Variants in ZNF410 observed in about 807,000 individuals in gnomAD.
The protein encoded by ZNF410 is another partner for ARF 1.
A neutral mutation model predicts 54.8 loss-of-function variants in ZNF410; 18 were observed. The ratio of observed to expected loss-of-function variants is 0.33; its 90% CI spans 0.23 to 0.49. The LOEUF is 0.49. Among genes scored for constraint, ZNF410 ranks in the 20% least tolerant of loss-of-function variants. ZNF410 has a pLI of 0.99. For missense variants in ZNF410, 405 were observed against 569.6 expected (o/e 0.71, Z 2.94); for synonymous variants, 191 against 207.3 (o/e 0.92, Z 0.68).
At chr14:73,888,546 G>A (rs547428201) in intron 1 of ZNF410, among the ~76,000 whole-genome samples, 1 of 152,174 alleles carries the variant, frequency 6.6e-6, no homozygotes, top group African/African-American at 2.4e-5. Context: ...AATTGATCGT[G>A]GTTCTGCTTG....
At chr14:73,889,959 G>C (rs2055202248) in intron 1 of ZNF410, among the ~76,000 whole-genome samples, 1 of 151,832 alleles carries the variant, frequency 6.6e-6, no homozygotes, top group East Asian at 2.0e-4. Flanking sequence ...ACCACACCTA[G>C]CTAATTTTTT....
intron 7 of ZNF410, chr14:73,905,782 T>TTCTTGATTCC (rs2055472214): frequency 6.6e-6 from 1 of 151,940 alleles, no homozygotes; most frequent in South Asian, 2.1e-4. Context: ...TTCTTGATTC[T>TTCTTGATTCC]TGCATTGGCA....
chr14:73,925,376 C>T (rs554441676), intron 11 of ZNF410, among the ~76,000 whole-genome samples: 39 of 151,292 alleles, frequency 2.6e-4, no homozygotes, highest in Admixed American at 2.0e-4. Flanking sequence ...GATAAACCCA[C>T]GTCGAAGTCG....
At chr14:73,926,491 T>C (rs1309252488) in intron 11 of ZNF410, among the ~76,000 whole-genome samples, 1 of 152,148 alleles carries the variant, frequency 6.6e-6, no homozygotes, top group Non-Finnish European at 1.5e-5. Context: ...AAGAGTGCAG[T>C]GGCGTGATCT....
chr14:73,894,711 GC>G (rs1211710134), intron 3 of ZNF410, among the ~76,000 whole-genome samples: 1 of 152,200 alleles, frequency 6.6e-6, no homozygotes, highest in Non-Finnish European at 1.5e-5. Context: ...ACAGGCGTGA[GC>G]CACTGCGCCA....
intron 8 of ZNF410, chr14:73,920,711 C>A: frequency 2.6e-6 from 1 of 382,628 alleles, no homozygotes; most frequent in South Asian, 3.1e-5. Context: ...TGCCATGGTC[C>A]TATACCAAAG....
chr14:73,913,473 G>T (rs2055617242), intron 8 of ZNF410: 1 of 152,118 alleles, frequency 6.6e-6, no homozygotes, highest in South Asian at 2.1e-4. Flanking sequence ...ACTGTGTTTT[G>T]CAAATGTCTG....
At chr14:73,892,762 C>T (rs921582315) in intron 2 of ZNF410, among the ~76,000 whole-genome samples, 1 of 152,058 alleles carries the variant, frequency 6.6e-6, no homozygotes, top group Non-Finnish European at 1.5e-5. Flanking sequence ...CACTTAATGT[C>T]TTCAATTTTA....
At chr14:73,923,335 TC>T in intron 10 of ZNF410, 59 bp from the exon 11 acceptor site, 1 of 1,558,936 alleles carries the variant, frequency 6.4e-7, no homozygotes, top group Non-Finnish European at 8.7e-7. Flanking sequence ...GGCTTAATGA[TC>T]CAGATAGGTG....
Position 73,902,601 on chromosome 14 carries a change from T to C in ZNF410, c.581-1359T>C, listed in dbSNP as rs1243268507. Among the ~76,000 whole-genome samples the C allele has an allele frequency of 1.3e-5, 2 of 152,156 alleles. 1 individual carries two copies. Among genetic ancestry groups the C allele is most frequent in the Middle Eastern group, 6.3e-3 (2 of 316 alleles). On this transcript the variant is annotated intron_variant, in intron 5 of 11. Coordinates refer to ENST00000555044, the MANE Select transcript of ZNF410 (RefSeq NM_021188.3). ...GCTGTGATAGGCACAACATATATAT[T>C]CTACTTTTGGCTATTGAGGGGGAAA...
At chr14:73,927,242 C>T (rs927730809) in intron 11 of ZNF410, 41 of 223,970 alleles carry the variant, frequency 1.8e-4, no homozygotes, top group African/African-American at 8.5e-4. Flanking sequence ...GGTGCCACCA[C>T]GCCCGGCTGT....
At chr14:73,900,563 A>G (rs542210108) in intron 5 of ZNF410, among the ~76,000 whole-genome samples, 1 of 152,044 alleles carries the variant, frequency 6.6e-6, no homozygotes, top group East Asian at 1.9e-4. Flanking sequence ...TAGTAGACAC[A>G]GGGTTTCACC....
At chr14:73,929,064 G>A (rs2055874450) in intron 11 of ZNF410, among the ~76,000 whole-genome samples, 1 of 152,200 alleles carries the variant, frequency 6.6e-6, no homozygotes, top group African/African-American at 2.4e-5. Flanking sequence ...TGCTGTCCTG[G>A]ATGTAGCTCA....
chr14:73,897,498 T>A (rs1471976770), intron 4 of ZNF410, among the ~76,000 whole-genome samples: 3 of 151,938 alleles, frequency 2.0e-5, no homozygotes, highest in Admixed American at 6.6e-5. Flanking sequence ...AATTGAAGAA[T>A]GAGAATGAAA....
chr14:73,893,557 A>G (rs1299649797), intron 2 of ZNF410: 2 of 395,756 alleles, frequency 5.1e-6, no homozygotes, highest in Admixed American at 8.3e-5. Flanking sequence ...TCACAGGACC[A>G]TCATCCTATA....
At chr14:73,902,002 T>G (rs1165077450) in intron 5 of ZNF410, among the ~76,000 whole-genome samples, 2 of 151,050 alleles carry the variant, frequency 1.3e-5, no homozygotes, top group Non-Finnish European at 2.9e-5. Context: ...TAGAAATCAA[T>G]TAGCTGGAGT....
At chr14:73,909,608 G>GGT (rs758222483) in intron 8 of ZNF410, 178 bp downstream of exon 8, 11 of 329,328 alleles carry the variant, frequency 3.3e-5, no homozygotes, top group Non-Finnish European at 4.6e-5. Flanking sequence ...AATCAAGGTT[G>GGT]GGGGGGGGAC....
chr14:73,924,537 A>G (rs1413095658), intron 11 of ZNF410, among the ~76,000 whole-genome samples: 3 of 152,202 alleles, frequency 2.0e-5, no homozygotes, highest in Admixed American at 6.5e-5. Flanking sequence ...GGGATATTTC[A>G]CTGGTCTTGT....
chr14:73,905,861 G>A (rs1157132157), intron 7 of ZNF410, among the ~76,000 whole-genome samples: 1 of 144,066 alleles, frequency 6.9e-6, no homozygotes, highest in African/African-American at 2.6e-5. Context: ...AAAATATAAG[G>A]CATATATAAA....
Sources: gnomAD v4.1 joint callset for allele counts (sites outside exome capture counted in the v4.1 genomes callset) on GRCh38, gnomAD v4.1.1 for gene constraint, MANE v1.5 for transcripts, NCBI Gene and HGNC (gene_info 2026-07-23, HGNC 2026-07-21) for gene names.